Variants in RNF24 observed in about 807,000 individuals in gnomAD.
RNF24 encodes ring finger protein 24.
RNF24 carries 14 observed loss-of-function variants against 20.0 expected under a neutral mutation model. The observed-to-expected ratio is 0.70, with a 90% CI of 0.46 to 1.10. RNF24 has a LOEUF of 1.10. Ranked by LOEUF, RNF24 falls within the 50% of genes least tolerant of loss-of-function variation. The pLI, the probability that RNF24 is intolerant of heterozygous loss-of-function variation, is 0.00. For missense variants in RNF24, 124 were observed against 177.6 expected (o/e 0.70, Z 1.71); for synonymous variants, 45 against 61.1 (o/e 0.74, Z 1.23).
At chr20:3,972,413 C>CA (rs1381607923) in intron 1 of RNF24, among the ~76,000 whole-genome samples, 1 of 152,172 alleles carries the variant, frequency 6.6e-6, no homozygotes, top group African/African-American at 2.4e-5. Flanking sequence ...AAACAAATCT[C>CA]AAACAACCTT....
chr20:3,946,693 C>CAAAA (rs59440287), intron 3 of RNF24, among the ~76,000 whole-genome samples: 8 of 104,398 alleles, frequency 7.7e-5, no homozygotes, highest in African/African-American at 3.1e-4. Flanking sequence ...GAGACCCCGT[C>CAAAA]AAAAAAAAAA....
rs900029995 is a variant in RNF24, at chr20:3,927,858, C to T, written c.*6205G>A. On this transcript the variant is annotated 3_prime_UTR_variant, in exon 6 of 6. Transcript: ENST00000358395. ...ACAAGTCTGCTGACACTGGTGGGGC[C>T]CTTACAGTCACAGAAGTAAGGACTG... 1.1e-4 allele frequency: 17 copies of T among 152,146 alleles called. No individual in the cohort carries two copies. The highest frequency in any genetic ancestry group is 9.2e-4 in the Admixed American group (14 of 15,278). The allele number at this position is 152,146 out of a possible 1,614,324, so 9.4% of individuals were successfully genotyped here. A position where few individuals can be genotyped will look rare whatever the true frequency, so the allele number is the denominator to read the frequency against.
intron 1 of RNF24, among the ~76,000 whole-genome samples, chr20:3,973,421 G>A (rs537087178): frequency 2.3e-5 from 3 of 129,412 alleles, no homozygotes; most frequent in African/African-American, 5.8e-5. Flanking sequence ...GAAAACAATA[G>A]AGAAAAATCA....
chr20:3,979,995 T>C (rs1979247025), intron 1 of RNF24, among the ~76,000 whole-genome samples: 1 of 152,060 alleles, frequency 6.6e-6, no homozygotes, highest in South Asian at 2.1e-4. Flanking sequence ...CAAAAATGTA[T>C]GAATTAAAAC....
chr20:3,927,935 G>A lies in RNF24; in HGVS notation c.*6128C>T, dbSNP rs1477748832. The A allele has an allele frequency of 6.6e-6, 1 of 152,196 alleles. No homozygotes were observed. The highest frequency in any genetic ancestry group is 6.5e-5 in the Admixed American group (1 of 15,280). The allele number at this position is 152,196 out of a possible 1,614,324, so 9.4% of individuals were successfully genotyped here. The stretch of plus-strand genomic sequence containing the variant: ...TGGTCAAAAAGTGGAGTACATCTTT[G>A]CATCTTGTAACAATTTGGGCTCTAC... On this transcript the variant is annotated 3_prime_UTR_variant, in exon 6 of 6. Transcript: ENST00000358395.
intron 3 of RNF24, among the ~76,000 whole-genome samples, chr20:3,946,925 G>A (rs1320873718): frequency 6.6e-6 from 1 of 152,206 alleles, no homozygotes; most frequent in Admixed American, 6.5e-5. Context: ...GGGCGCGGTG[G>A]CTCACACCTG....
intron 2 of RNF24, among the ~76,000 whole-genome samples, chr20:3,960,191 C>G (rs1261079377): frequency 6.6e-6 from 1 of 152,218 alleles, no homozygotes; most frequent in South Asian, 2.1e-4. Context: ...ACAGAAGAAC[C>G]TCCTGGGAAG....
intron 1 of RNF24, among the ~76,000 whole-genome samples, chr20:4,009,710 C>G (rs185007780): frequency 6.6e-6 from 1 of 151,960 alleles, no homozygotes; most frequent in Non-Finnish European, 1.5e-5. Flanking sequence ...GTAGCTTTGC[C>G]GGGCAGTGCT....
chr20:3,940,062 G>A (rs2090937035), intron 4 of RNF24, among the ~76,000 whole-genome samples: 1 of 152,024 alleles, frequency 6.6e-6, no homozygotes, highest in Non-Finnish European at 1.5e-5. Flanking sequence ...GGGTTCAAGT[G>A]ATCCTCCTGC....
chr20:3,958,833 G>T (rs763819801), intron 2 of RNF24, among the ~76,000 whole-genome samples: 1 of 152,148 alleles, frequency 6.6e-6, no homozygotes, highest in African/African-American at 2.4e-5. Context: ...ATAGAGATGG[G>T]GTTTCACCAT....
chr20:3,964,617 G>A (rs759576901), intron 1 of RNF24, among the ~76,000 whole-genome samples: 26 of 151,962 alleles, frequency 1.7e-4, no homozygotes, highest in Non-Finnish European at 3.4e-4. Context: ...TAATCTCCCG[G>A]GCTCAAGCAA....
chr20:3,973,319 T>A (rs1290982909), intron 1 of RNF24, among the ~76,000 whole-genome samples: 5 of 150,988 alleles, frequency 3.3e-5, no homozygotes, highest in African/African-American at 9.7e-5. Flanking sequence ...AAATAAAAAA[T>A]CTCAAATCAA....
At chr20:3,972,677 G>C (rs1181392908) in intron 1 of RNF24, among the ~76,000 whole-genome samples, 1 of 152,130 alleles carries the variant, frequency 6.6e-6, no homozygotes, top group Non-Finnish European at 1.5e-5. Context: ...GAGGCGGGCA[G>C]ATCACCTGAG....
At chr20:3,988,675 T>G (rs1432999996) in intron 1 of RNF24, among the ~76,000 whole-genome samples, 1 of 152,134 alleles carries the variant, frequency 6.6e-6, no homozygotes. Flanking sequence ...CCCAGGCTGG[T>G]CTGGAATTCT....
intron 1 of RNF24, among the ~76,000 whole-genome samples, chr20:4,010,436 G>A (rs1439985261): frequency 6.6e-6 from 1 of 152,170 alleles, no homozygotes; most frequent in African/African-American, 2.4e-5. Context: ...GTTCTGTGAA[G>A]CTGTGATTTA....
chr20:4,001,828 G>A (rs966643707), intron 1 of RNF24, among the ~76,000 whole-genome samples: 6 of 152,096 alleles, frequency 3.9e-5, no homozygotes, highest in Non-Finnish European at 5.9e-5. Flanking sequence ...TGTGCCTGTA[G>A]TCCCAGCTAC....
intron 1 of RNF24, among the ~76,000 whole-genome samples, chr20:3,991,040 C>A (rs927471177): frequency 7.2e-5 from 11 of 151,936 alleles, no homozygotes; most frequent in Non-Finnish European, 1.0e-4. Context: ...CTAAAAAGGT[C>A]TCTAGAAAAA....
intron 1 of RNF24, among the ~76,000 whole-genome samples, chr20:3,972,424 T>C (rs890171310): frequency 6.6e-6 from 1 of 152,124 alleles, no homozygotes; most frequent in African/African-American, 2.4e-5. Flanking sequence ...AAACAACCTT[T>C]CAAAAATCGA....
At chr20:4,000,354 T>G (rs1402951095) in intron 1 of RNF24, among the ~76,000 whole-genome samples, 1 of 152,086 alleles carries the variant, frequency 6.6e-6, no homozygotes, top group Non-Finnish European at 1.5e-5. Flanking sequence ...TGAAACCCTG[T>G]CTCTACTAAA....
Sources: gnomAD v4.1 joint callset for allele counts (sites outside exome capture counted in the v4.1 genomes callset) on GRCh38, gnomAD v4.1.1 for gene constraint, MANE v1.5 for transcripts, NCBI Gene and HGNC (gene_info 2026-07-23, HGNC 2026-07-21) for gene names.